Variants in CLASP1 observed in about 807,000 individuals in gnomAD.
CLASP1 encodes the protein cytoplasmic linker associated protein 1, also known as CLIP-associating protein 1.
CLASP1 carries 38 observed loss-of-function variants against 192.3 expected under a neutral mutation model. That is an observed-to-expected ratio of 0.20 (90% CI 0.15 to 0.26). CLASP1 has a LOEUF of 0.26. Among genes scored for constraint, CLASP1 ranks in the 10% least tolerant of loss-of-function variants. The probability of loss-of-function intolerance (pLI) is 1.00; values close to 1 mark genes in which losing one functional copy is unlikely to be tolerated. For missense variants in CLASP1, 1,433 were observed against 1,932.5 expected, an observed-to-expected ratio of 0.74 and a Z score of 4.85; for synonymous variants, 691 against 712.8, an observed-to-expected ratio of 0.97 and a Z score of 0.49.
chr2:121,613,612 C>T (rs1165971838), intron 1 of CLASP1, among the ~76,000 whole-genome samples: 2 of 122,900 alleles, frequency 1.6e-5, no homozygotes, highest in African/African-American at 5.5e-5. Context: ...AAAGCACATG[C>T]ACAAAGCCTT....
intron 6 of CLASP1, among the ~76,000 whole-genome samples, chr2:121,517,858 C>CTTT (rs70954553): frequency 0.024 from 743 of 30,814 alleles, 118 homozygotes; most frequent in African/African-American, 0.081. Flanking sequence ...AAGACTCAAG[C>CTTT]TTTTTTTTTT....
Position 121,423,712 on chromosome 2 carries a change from C to G in CLASP1, c.2212+1427G>C, listed in dbSNP as rs570446405. Among the ~76,000 whole-genome samples, 339 of 152,256 alleles carry G rather than the reference C, an allele frequency of 2.2e-3. 1 individual carries two copies. Among genetic ancestry groups the G allele is most frequent in the African/African-American group, 6.6e-3 (275 of 41,558 alleles). On this transcript the variant is annotated intron_variant, in intron 22 of 39. Transcript: ENST00000263710. ...GCTGTGACCTTTTCTATGATTGTAT[C>G]CACATCAACACCCAAATAACTTGTC...
In CLASP1 at chr2:121,432,973, C is replaced by T. The variant is rs114969047; in HGVS notation, c.1913-2796G>A. Among the ~76,000 whole-genome samples the T allele has an allele frequency of 1.5e-3, 230 of 152,200 alleles. 1 individual carries two copies. The highest frequency in any genetic ancestry group is 5.3e-3 in the African/African-American group (220 of 41,526). On this transcript the variant is annotated intron_variant, in intron 19 of 39. Coordinates refer to ENST00000263710, the Ensembl canonical transcript of CLASP1. ...TGAGGGTAAGCACTGTTGACTCAAACAAGATTTTTAAAAAGAATTTCTGAA... is the reference window on the plus strand; with the variant it reads ...TGAGGGTAAGCACTGTTGACTCAAATAAGATTTTTAAAAAGAATTTCTGAA...
intron 1 of CLASP1, among the ~76,000 whole-genome samples, chr2:121,630,168 C>T (rs1360549934): frequency 6.6e-6 from 1 of 152,114 alleles, no homozygotes; most frequent in Non-Finnish European, 1.5e-5. Flanking sequence ...GATCCACCCG[C>T]CTCCGCCTCC....
intron 2 of CLASP1, among the ~76,000 whole-genome samples, chr2:121,540,405 A>C (rs756056311): frequency 2.6e-5 from 4 of 152,188 alleles, no homozygotes; most frequent in Admixed American, 1.3e-4. Context: ...TGGGAGGCTG[A>C]GGCTGGATGA....
intron 19 of CLASP1, among the ~76,000 whole-genome samples, chr2:121,439,939 G>C (rs1218924302): frequency 8.6e-6 from 1 of 116,592 alleles, no homozygotes; most frequent in East Asian, 3.1e-4. Context: ...GTCGTGGGGT[G>C]GGGGGAGGGG....
At chr2:121,371,302 C>T (rs1415709419) in intron 34 of CLASP1, among the ~76,000 whole-genome samples, 1 of 152,018 alleles carries the variant, frequency 6.6e-6, no homozygotes, top group African/African-American at 2.4e-5. Context: ...ACAATCGTAG[C>T]TTACTGCAGC....
intron 21 of CLASP1, among the ~76,000 whole-genome samples, chr2:121,426,933 TAC>T (rs2080494418): frequency 1.3e-5 from 2 of 152,018 alleles, no homozygotes; most frequent in Admixed American, 1.3e-4. Context: ...AGTATACATT[TAC>T]TATGTACTAG....
chr2:121,616,682 G>A (rs1054574439), intron 1 of CLASP1, among the ~76,000 whole-genome samples: 1 of 152,074 alleles, frequency 6.6e-6, no homozygotes, highest in Non-Finnish European at 1.5e-5. Context: ...CAATATGATC[G>A]AAAACGAAGA....
chr2:121,355,283 C>T (rs772480930), intron 37 of CLASP1, among the ~76,000 whole-genome samples: 27 of 152,278 alleles, frequency 1.8e-4, no homozygotes, highest in East Asian at 7.7e-4. Context: ...CACACCACCA[C>T]GCCTAGCTAA....
intron 7 of CLASP1, among the ~76,000 whole-genome samples, chr2:121,514,331 G>A (rs572102578): frequency 3.9e-5 from 6 of 152,208 alleles, no homozygotes; most frequent in South Asian, 4.2e-4. Flanking sequence ...CAACAATCAC[G>A]GTGACTTCGT....
chr2:121,473,267 G>A (rs1197238952), intron 8 of CLASP1, among the ~76,000 whole-genome samples: 1 of 151,974 alleles, frequency 6.6e-6, no homozygotes, highest in East Asian at 1.9e-4. Context: ...TTTTTTTAAA[G>A]AATCCAATGG....
intron 2 of CLASP1, among the ~76,000 whole-genome samples, chr2:121,549,198 C>T (rs2105127863): frequency 6.6e-6 from 1 of 152,306 alleles, no homozygotes; most frequent in East Asian, 1.9e-4. Context: ...AAACTGATCT[C>T]ACATGCAATG....
At chr2:121,543,797 A>C (rs1444679400) in intron 2 of CLASP1, among the ~76,000 whole-genome samples, 2 of 152,206 alleles carry the variant, frequency 1.3e-5, no homozygotes, top group Non-Finnish European at 2.9e-5. Flanking sequence ...TACTCAAAGC[A>C]GAGCAGATTC....
intron 2 of CLASP1, among the ~76,000 whole-genome samples, chr2:121,580,475 T>C (rs1455441173): frequency 1.3e-5 from 2 of 152,166 alleles, no homozygotes; most frequent in African/African-American, 4.8e-5. Flanking sequence ...CCATTAACAT[T>C]TTCATTTCTT....
intron 1 of CLASP1, among the ~76,000 whole-genome samples, chr2:121,647,819 G>C (rs1299565956): frequency 9.9e-5 from 15 of 152,162 alleles, no homozygotes; most frequent in Non-Finnish European, 1.9e-4. Flanking sequence ...TCTCCTCTAA[G>C]GAGTCCTGAC....
At chr2:121,486,260 G>C (rs1037645378) in intron 8 of CLASP1, among the ~76,000 whole-genome samples, 1 of 152,300 alleles carries the variant, frequency 6.6e-6, no homozygotes, top group East Asian at 1.9e-4. Context: ...CAGGCCTTAA[G>C]TGGGCATATT....
intron 23 of CLASP1, among the ~76,000 whole-genome samples, chr2:121,417,044 A>G (rs1466142830): frequency 2.0e-5 from 3 of 152,226 alleles, no homozygotes; most frequent in Non-Finnish European, 4.4e-5. Context: ...CCACAACAGA[A>G]GACGTGCTGA....
intron 23 of CLASP1, among the ~76,000 whole-genome samples, chr2:121,416,251 T>C (rs1184821001): frequency 6.6e-6 from 1 of 152,220 alleles, no homozygotes; most frequent in African/African-American, 2.4e-5. Flanking sequence ...GTAGACCCAC[T>C]TATGTGAAAG....
Sources: allele counts gnomAD v4.1 joint callset (sites outside exome capture counted in the v4.1 genomes callset), GRCh38; gene constraint gnomAD v4.1.1; transcripts MANE v1.5; gene names NCBI Gene and HGNC (gene_info 2026-07-23, HGNC 2026-07-21).